The following SMYD3 variants were observed in gnomAD, a reference collection of about 807,000 sequenced individuals.
SMYD3 encodes the protein SET and MYND domain containing 3.
SMYD3 carries 36 observed loss-of-function variants against 57.7 expected under a neutral mutation model. The ratio of observed to expected loss-of-function variants is 0.62; its 90% confidence interval spans 0.48 to 0.82. SMYD3 has a LOEUF of 0.82. Ranked by LOEUF, SMYD3 falls within the 40% of genes least tolerant of loss-of-function variation. The probability of loss-of-function intolerance (pLI) is 0.00; values close to 1 mark genes in which losing one functional copy is unlikely to be tolerated. For missense variants in SMYD3, 515 were observed against 538.8 expected (o/e 0.96, Z 0.44); for synonymous variants, 211 against 195.0 (o/e 1.08, Z -0.68).
rs2062942399 is a variant in SMYD3, at chr1:246,202,926, G to A, written c.531+124275C>T. 6.6e-6 allele frequency among the ~76,000 whole-genome samples: 1 copy of A among 152,046 alleles called. No individual in the cohort carries two copies. Among genetic ancestry groups the A allele is most frequent in the Admixed American group, 6.6e-5 (1 of 15,260 alleles). ...GGATCACTTGAGGTCAGGAGTTCGA[G>A]ACCAGCCTGGCCAATATGGGAAAAC... On this transcript the variant is annotated intron_variant, in intron 5 of 11. Transcript: ENST00000490107. This position sits in a 1 kb window ranked among gnomAD's most constrained non-coding sequence, Gnocchi z 4.1.
intron 1 of SMYD3, among the ~76,000 whole-genome samples, chr1:246,413,106 C>T (rs1012204328): frequency 6.7e-6 from 1 of 150,374 alleles, no homozygotes; most frequent in Non-Finnish European, 1.5e-5. Flanking sequence ...TTACATCATG[C>T]TACCACTCTA....
chr1:245,915,521 ACTACATACCTTGTC>A lies in SMYD3; in HGVS notation c.808_813+8del. ...TGGAGGTGTTTCAATCTGGTTCCAT[ACTACATACCTTGTC>A]CTGGGTTTGGCAACGGAAACAGTCA... On this transcript the variant is annotated splice_donor_variant and splice_donor_5th_base_variant and coding_sequence_variant and intron_variant, in exon 8 of 12. Coordinates refer to ENST00000490107, the MANE Select transcript of SMYD3 (RefSeq NM_001167740.2). LOFTEE classifies it high-confidence loss of function. 6.3e-7 allele frequency: 1 copy of A among 1,589,822 alleles called. No individual in the cohort carries two copies. The highest frequency in any genetic ancestry group is 2.2e-5 in the East Asian group (1 of 44,738).
intron 5 of SMYD3, among the ~76,000 whole-genome samples, chr1:246,135,666 A>G (rs964935503): frequency 1.3e-5 from 2 of 152,182 alleles, no homozygotes; most frequent in Non-Finnish European, 2.9e-5. Flanking sequence ...ACGTGTATGT[A>G]TACAATGTAT....
chr1:246,377,024 C>G (rs1382040166), intron 1 of SMYD3, among the ~76,000 whole-genome samples: 1 of 151,966 alleles, frequency 6.6e-6, no homozygotes, highest in Non-Finnish European at 1.5e-5. Context: ...CACTTGAACC[C>G]GAGAGGCAGA....
At chr1:245,965,680 G>A (rs1298571190) in intron 5 of SMYD3, among the ~76,000 whole-genome samples, 1 of 152,200 alleles carries the variant, frequency 6.6e-6, no homozygotes, top group Non-Finnish European at 1.5e-5. Flanking sequence ...TATGGAAAAG[G>A]CGAAAGTATG....
rs539707160 is a variant in SMYD3, at chr1:245,812,938, GA to G, written c.1076+45557del. On this transcript the variant is annotated intron_variant, in intron 10 of 11. Transcript: ENST00000490107. ...CGGAGTTTGATTTGAGCAAAGAATAGAGGGGTAGTTGGGGTGAGGAGGTGAG... is the reference window on the plus strand; with the variant it reads ...CGGAGTTTGATTTGAGCAAAGAATAGGGGGTAGTTGGGGTGAGGAGGTGAG... Among the ~76,000 whole-genome samples, 9 of 151,184 alleles carry G rather than the reference GA, an allele frequency of 6.0e-5. No homozygotes were observed. In the East Asian group the frequency reaches 1.6e-3, roughly 26 times the overall value.
intron 5 of SMYD3, among the ~76,000 whole-genome samples, chr1:246,321,344 A>G (rs2065244474): frequency 6.6e-6 from 1 of 152,244 alleles, no homozygotes; most frequent in African/African-American, 2.4e-5. Context: ...GTCAGACACT[A>G]CTAAGTACGT....
intron 5 of SMYD3, among the ~76,000 whole-genome samples, chr1:246,099,475 G>A (rs2060973744): frequency 6.6e-6 from 1 of 152,154 alleles, no homozygotes; most frequent in Non-Finnish European, 1.5e-5. Context: ...CCAAAAAGGT[G>A]CAAATAAAAT....
At chr1:246,454,079 T>G (rs1395790392) in intron 1 of SMYD3, among the ~76,000 whole-genome samples, 1 of 152,128 alleles carries the variant, frequency 6.6e-6, no homozygotes, top group East Asian at 1.9e-4. Context: ...GAATAAACAT[T>G]CAGAGAAGTG....
chr1:245,834,348 C>T (rs976196989), intron 10 of SMYD3, among the ~76,000 whole-genome samples: 3 of 152,150 alleles, frequency 2.0e-5, no homozygotes, highest in Admixed American at 6.5e-5. Flanking sequence ...ACCTTTGTCA[C>T]GATATCCGGG....
At chr1:246,336,133 C>A (rs1193832953) in intron 2 of SMYD3, among the ~76,000 whole-genome samples, 6 of 152,132 alleles carry the variant, frequency 3.9e-5, no homozygotes, top group African/African-American at 9.7e-5. Context: ...GTCACCTAAG[C>A]CATGATCCTA....
intron 5 of SMYD3, 23 bp downstream of exon 5, chr1:246,327,178 C>T: frequency 2.5e-6 from 4 of 1,613,164 alleles, no homozygotes; most frequent in Non-Finnish European, 3.4e-6. Flanking sequence ...ATGGAATTAG[C>T]AAAGAGCAAA....
chr1:246,314,546 A>G (rs996707823), intron 5 of SMYD3, among the ~76,000 whole-genome samples: 2 of 152,218 alleles, frequency 1.3e-5, no homozygotes, highest in East Asian at 3.8e-4. Context: ...GTGCGGCACT[A>G]GGAAACTTGT....
At chr1:246,128,187 T>C (rs1013239095) in intron 5 of SMYD3, among the ~76,000 whole-genome samples, 2 of 152,194 alleles carry the variant, frequency 1.3e-5, no homozygotes, top group African/African-American at 4.8e-5. Context: ...CTAATGTGAC[T>C]TTCTATGTAA....
intron 5 of SMYD3, among the ~76,000 whole-genome samples, chr1:245,979,488 G>A (rs1281738435): frequency 1.3e-5 from 2 of 152,130 alleles, no homozygotes; most frequent in Admixed American, 6.5e-5. Flanking sequence ...GCCATGAGAA[G>A]ACAGACACAA....
chr1:246,170,038 G>A (rs750446637), intron 5 of SMYD3, among the ~76,000 whole-genome samples: 2 of 152,028 alleles, frequency 1.3e-5, no homozygotes, highest in Non-Finnish European at 2.9e-5. Flanking sequence ...TTAATTCTGA[G>A]TCTGCATCGT....
intron 10 of SMYD3, among the ~76,000 whole-genome samples, chr1:245,764,528 C>T (rs900824173): frequency 1.3e-5 from 2 of 152,234 alleles, no homozygotes; most frequent in Non-Finnish European, 2.9e-5. Context: ...TAGCACAGCC[C>T]TGGAACAGCA....
intron 5 of SMYD3, among the ~76,000 whole-genome samples, chr1:246,046,662 T>A (rs944555961): frequency 1.2e-4 from 17 of 143,718 alleles, no homozygotes; most frequent in African/African-American, 3.8e-4. Context: ...TTTTATATAT[T>A]TTTTTAATAT....
chr1:245,813,770 C>A (rs112393170), intron 10 of SMYD3, among the ~76,000 whole-genome samples: 7 of 151,950 alleles, frequency 4.6e-5, no homozygotes, highest in African/African-American at 1.7e-4. Flanking sequence ...GAGGAGCTGC[C>A]CTCAAGAGAA....
Sources: gnomAD v4.1 joint callset for allele counts (sites outside exome capture counted in the v4.1 genomes callset) on GRCh38, gnomAD v4.1.1 for gene constraint, Gnocchi (gnomAD v3.1) non-coding constraint, MANE v1.5 for transcripts, NCBI Gene and HGNC (gene_info 2026-07-23, HGNC 2026-07-21) for gene names.